The following SUCO variants were observed in gnomAD, a reference collection of about 807,000 sequenced individuals.
SUCO encodes the protein SUN domain-containing ossification factor.
A neutral mutation model predicts 148.1 loss-of-function variants in SUCO; 57 were observed. That is an observed-to-expected ratio of 0.38 (90% CI 0.31 to 0.48). The LOEUF (loss-of-function observed/expected upper bound fraction) is 0.48. Among genes scored for constraint, SUCO ranks in the 20% least tolerant of loss-of-function variants. SUCO has a pLI of 0.96. For synonymous variants in SUCO, 470 were observed against 502.7 expected (o/e 0.93, Z 0.87); for missense variants, 1,331 against 1,468.2 (o/e 0.91, Z 1.53).
At chr1:172,603,754 C>G (rs1288626628) in intron 22 of SUCO, among the ~76,000 whole-genome samples, 1 of 152,028 alleles carries the variant, frequency 6.6e-6, no homozygotes, top group Non-Finnish European at 1.5e-5. Context: ...TCCTTGTGCT[C>G]TTTTAGTCAC....
intron 1 of SUCO, chr1:172,544,068 C>A: frequency 2.1e-6 from 1 of 487,318 alleles, no homozygotes; most frequent in Non-Finnish European, 2.7e-6. Context: ...TCAATACTTA[C>A]AGGATTTCAG....
chr1:172,611,769 A>G lies in SUCO; in HGVS notation c.*1510A>G, dbSNP rs988138136. The stretch of plus-strand genomic sequence containing the variant: ...GGAAGAGAATTTTCAATATGTAACT[A>G]CGGAGCTGTAGTGCCATTAGAAACT... On this transcript the variant is annotated 3_prime_UTR_variant, in exon 24 of 24. Coordinates refer to ENST00000263688, the MANE Select transcript of SUCO (RefSeq NM_014283.5). 7 of 152,662 alleles carry G rather than the reference A, an allele frequency of 4.6e-5. No individual in the cohort carries two copies. Among genetic ancestry groups the G allele is most frequent in the Non-Finnish European group, 8.8e-5 (6 of 68,040 alleles). 9.5% of individuals were successfully genotyped at this position (152,662 alleles called of 1,614,324 possible).
At position 172,533,331 on chromosome 1, in the gene SUCO, G is replaced by C; in HGVS notation, c.-105G>C. ...CAGCGCCATAGCCCTTAGGACTATC[G>C]GTCACATTCTCGCGCTCCTGCTCCG... On this transcript the variant is annotated 5_prime_UTR_variant, in exon 1 of 24. Transcript: ENST00000263688. 3.9e-6 allele frequency: 6 copies of C among 1,551,428 alleles called. No individual in the cohort carries two copies. The highest frequency in any genetic ancestry group is 5.2e-6 in the Non-Finnish European group (6 of 1,146,954).
Position 172,590,994 on chromosome 1 carries a change from CA to C in SUCO, c.2839del (p.Met947TrpfsTer13). On this transcript the variant is annotated frameshift_variant, in exon 19 of 24. Coordinates refer to ENST00000263688, the MANE Select transcript of SUCO (RefSeq NM_014283.5). LOFTEE classifies it high-confidence loss of function. The part of the protein sequence containing the change: ...LEELSQRYRK[Q>X]MEEMQKAFNK... ...ATTCTTACTTCATAGGTACCGAAAA[CA>C]AATGGAAGAAATGCAAAAGGCTTTC... 1 of 1,610,886 alleles carries C rather than the reference CA, an allele frequency of 6.2e-7. No individual in the cohort carries two copies. The highest frequency in any genetic ancestry group is 8.5e-7 in the Non-Finnish European group (1 of 1,178,342).
rs965991666 is a variant in SUCO at position 172,548,596 on chromosome 1, T to C, written c.63-2916T>C. ...TGATTGGTAGTCTTCTGCTGATTAT[T>C]TCATAATATTGTTTCCTCTTTAACC... On this transcript the variant is annotated intron_variant, in intron 1 of 23. Coordinates refer to ENST00000263688, the MANE Select transcript of SUCO (RefSeq NM_014283.5). Among the ~76,000 whole-genome samples, 6 of 152,186 alleles carry C rather than the reference T, an allele frequency of 3.9e-5. No individual in the cohort carries two copies. The South Asian group carries it at 1.0e-3, about 26-fold the overall frequency.
intron 19 of SUCO, chr1:172,599,410 A>G (rs375701101): frequency 1.7e-5 from 14 of 812,128 alleles, no homozygotes; most frequent in Non-Finnish European, 1.9e-5. Context: ...AGAATTCCCT[A>G]AAGTATGCAT....
chr1:172,570,393 T>C, intron 8 of SUCO: 1 of 483,430 alleles, frequency 2.1e-6, no homozygotes, highest in South Asian at 4.2e-5. Flanking sequence ...CCGTATGAAA[T>C]TTTAAAAAGG....
intron 1 of SUCO, among the ~76,000 whole-genome samples, chr1:172,545,201 A>G (rs1652768658): frequency 6.6e-6 from 1 of 152,176 alleles, no homozygotes; most frequent in African/African-American, 2.4e-5. Flanking sequence ...TGTTTTTGAG[A>G]TACCTTGGAA....
chr1:172,566,812 G>T (rs909491772), intron 6 of SUCO, among the ~76,000 whole-genome samples: 2 of 152,210 alleles, frequency 1.3e-5, no homozygotes, highest in Non-Finnish European at 2.9e-5. Context: ...ACGCTGGTGG[G>T]CATGTCTTAC....
chr1:172,537,072 C>G (rs912914030), intron 1 of SUCO, among the ~76,000 whole-genome samples: 6 of 152,084 alleles, frequency 3.9e-5, no homozygotes, highest in African/African-American at 1.4e-4. Context: ...ATACCCTATA[C>G]CATACTCCCT....
At chr1:172,563,730 A>G (rs1654347910) in intron 6 of SUCO, among the ~76,000 whole-genome samples, 1 of 152,250 alleles carries the variant, frequency 6.6e-6, no homozygotes, top group Non-Finnish European at 1.5e-5. Context: ...GAGGGATTCA[A>G]GCCTGCAGAA....
At chr1:172,584,069 A>G (rs1195580329) in intron 15 of SUCO, among the ~76,000 whole-genome samples, 1 of 152,166 alleles carries the variant, frequency 6.6e-6, no homozygotes, top group Non-Finnish European at 1.5e-5. Context: ...TAACTAAAGA[A>G]TTTGTATGCT....
At chr1:172,545,380 A>G (rs1175717778) in intron 1 of SUCO, among the ~76,000 whole-genome samples, 1 of 152,204 alleles carries the variant, frequency 6.6e-6, no homozygotes, top group African/African-American at 2.4e-5. Flanking sequence ...TAAGTCTCCT[A>G]TGTAGAATAT....
intron 1 of SUCO, among the ~76,000 whole-genome samples, chr1:172,550,080 GT>G (rs1653174899): frequency 6.6e-6 from 1 of 151,826 alleles, no homozygotes; most frequent in Non-Finnish European, 1.5e-5. Context: ...CCTGGGATTT[GT>G]CTTTCTAGTC....
intron 3 of SUCO, 158 bp from the exon 4 acceptor site, chr1:172,555,711 G>A (rs1653694510): frequency 7.6e-6 from 2 of 262,976 alleles, no homozygotes; most frequent in Non-Finnish European, 1.2e-5. Flanking sequence ...CCTTAGGGCG[G>A]TAATATTGGA....
At chr1:172,534,775 A>G (rs1651889226) in intron 1 of SUCO, among the ~76,000 whole-genome samples, 1 of 151,934 alleles carries the variant, frequency 6.6e-6, no homozygotes, top group Non-Finnish European at 1.5e-5. Flanking sequence ...TGAAGCTTGT[A>G]TTCATTTCCA....
rs116210246 is a variant in SUCO at position 172,552,642 on chromosome 1, C to G, written c.178-618C>G. On this transcript the variant is annotated intron_variant, in intron 2 of 23. Coordinates refer to ENST00000263688, the MANE Select transcript of SUCO (RefSeq NM_014283.5). ...AGCATTTAAAATTTTGAAGACTTGC[C>G]GCATATCTCAAAAAAAACTATAATT... 1.5e-5 allele frequency: 15 copies of G among 979,802 alleles called. No individual in the cohort carries two copies. In the South Asian group the frequency reaches 2.8e-4, roughly 19 times the overall value. 60.7% of individuals were successfully genotyped at this position (979,802 alleles called of 1,614,324 possible). A position where few individuals can be genotyped will look rare whatever the true frequency, so the allele number is the denominator to read the frequency against.
chr1:172,598,494 G>A (rs1657278376), intron 19 of SUCO, among the ~76,000 whole-genome samples: 1 of 152,134 alleles, frequency 6.6e-6, no homozygotes, highest in African/African-American at 2.4e-5. Flanking sequence ...TCTTGATTGA[G>A]ATTGTGTTGA....
chr1:172,608,381 T>C (rs1475334981), intron 22 of SUCO: 1 of 240,220 alleles, frequency 4.2e-6, no homozygotes, highest in African/African-American at 2.3e-5. Context: ...TCAAATGATC[T>C]GTAGGTTTGG....
Sources: gnomAD v4.1 joint callset for allele counts (sites outside exome capture counted in the v4.1 genomes callset) on GRCh38, gnomAD v4.1.1 for gene constraint, MANE v1.5 for transcripts, NCBI Gene and HGNC (gene_info 2026-07-23, HGNC 2026-07-21) for gene names.